DOCK3: variants seen among roughly 807,000 people sequenced by gnomAD.
DOCK3 encodes the protein dedicator of cytokinesis 3, also known as dedicator of cytokinesis protein 3.
DOCK3 carries 60 observed loss-of-function variants against 265.6 expected under a neutral mutation model. That is an observed-to-expected ratio of 0.23 (90% confidence interval 0.18 to 0.28). The LOEUF is 0.28. Ranked by LOEUF, DOCK3 falls within the 10% of genes least tolerant of loss-of-function variation. The probability of loss-of-function intolerance (pLI) is 1.00; values close to 1 mark genes in which losing one functional copy is unlikely to be tolerated. For missense variants in DOCK3, 1,981 were observed against 2,594.3 expected (o/e 0.76, Z 5.14); for synonymous variants, 881 against 938.0 (o/e 0.94, Z 1.11).
At chr3:51,379,456 A>G in intron 51 of DOCK3, 1 of 985,472 alleles carries the variant, frequency 1.0e-6, no homozygotes, top group Non-Finnish European at 1.2e-6. Flanking sequence ...CAGCTGTGCC[A>G]GCAGCCCCCA....
chr3:50,702,542 T>C (rs1206480752), intron 1 of DOCK3, among the ~76,000 whole-genome samples: 1 of 151,938 alleles, frequency 6.6e-6, no homozygotes, highest in Non-Finnish European at 1.5e-5. Flanking sequence ...TTTTTTTTGG[T>C]ATTTTTAGTA....
chr3:51,309,668 C>T (rs1576750367), intron 27 of DOCK3, among the ~76,000 whole-genome samples: 1 of 151,954 alleles, frequency 6.6e-6, no homozygotes. Context: ...TTGTTTCTTA[C>T]AGAGCGTACA....
intron 4 of DOCK3, among the ~76,000 whole-genome samples, chr3:50,914,490 T>C (rs2050018976): frequency 6.6e-6 from 1 of 152,168 alleles, no homozygotes; most frequent in South Asian, 2.1e-4. Flanking sequence ...TTAATTTGCA[T>C]GTAACTGCAA....
In DOCK3 at chr3:51,310,249, T is replaced by C. The variant is rs1268237576; in HGVS notation, c.2940T>C (p.Ile980=). ...GCTGTCAGGAATTTCTGCTGAAGAT[T>C]TTTTGCGTGTTCCGGAACCTGATGA... ...KDELKEFLLK[I]FCVFRNLMKM... Residue 980 remains isoleucine, a synonymous_variant, in exon 28 of 53, where the codon ATT becomes ATC. Coordinates refer to ENST00000266037, the MANE Select transcript of DOCK3 (RefSeq NM_004947.5). 1 of 1,602,474 alleles carries C rather than the reference T, an allele frequency of 6.2e-7. No individual in the cohort carries two copies.
chr3:50,938,622 A>G (rs189276788), intron 5 of DOCK3, among the ~76,000 whole-genome samples: 3 of 152,214 alleles, frequency 2.0e-5, no homozygotes, highest in African/African-American at 7.2e-5. Flanking sequence ...AAAGAAAACA[A>G]GAAAACCTGA....
intron 27 of DOCK3, among the ~76,000 whole-genome samples, chr3:51,287,205 A>G (rs1005055869): frequency 6.6e-6 from 1 of 152,212 alleles, no homozygotes; most frequent in African/African-American, 2.4e-5. Context: ...ACATGAAAAA[A>G]TGTTCAACAT....
At chr3:51,066,156 T>C (rs552318835) in intron 6 of DOCK3, among the ~76,000 whole-genome samples, 60 of 152,196 alleles carry the variant, frequency 3.9e-4, no homozygotes, top group African/African-American at 1.4e-3. Context: ...AGAAATTCAG[T>C]ACAAAGGCTC....
At chr3:51,012,921 T>C (rs2079009185) in intron 5 of DOCK3, among the ~76,000 whole-genome samples, 1 of 152,174 alleles carries the variant, frequency 6.6e-6, no homozygotes, top group East Asian at 1.9e-4. Context: ...TGATACCCTT[T>C]CTTCTACTTG....
chr3:50,692,310 G>C (rs147462591), intron 1 of DOCK3, among the ~76,000 whole-genome samples: 1 of 152,108 alleles, frequency 6.6e-6, no homozygotes, highest in African/African-American at 2.4e-5. Context: ...GACTGGTTTC[G>C]TGGAAGACAA....
chr3:51,139,656 CA>C (rs2084959963), intron 9 of DOCK3, among the ~76,000 whole-genome samples: 1 of 151,942 alleles, frequency 6.6e-6, no homozygotes, highest in Non-Finnish European at 1.5e-5. Flanking sequence ...AAGAGAAAGA[CA>C]ATAAACAAAG....
At chr3:50,858,435 AT>A (rs2046727653) in intron 3 of DOCK3, among the ~76,000 whole-genome samples, 1 of 149,960 alleles carries the variant, frequency 6.7e-6, no homozygotes, top group South Asian at 2.1e-4. Context: ...AATAATAATA[AT>A]AATAATAATA....
At chr3:51,208,894 G>A (rs1560213060) in intron 13 of DOCK3, 32 bp downstream of exon 13, 2 of 1,579,302 alleles carry the variant, frequency 1.3e-6, no homozygotes, top group South Asian at 1.2e-5. Flanking sequence ...AACATTTTGT[G>A]TTACATTTGT....
chr3:51,227,540 A>G, intron 16 of DOCK3, 95 bp downstream of exon 16: 7 of 1,519,118 alleles, frequency 4.6e-6, no homozygotes, highest in Non-Finnish European at 5.3e-6. Flanking sequence ...TATTTGGGCA[A>G]GAAAATGAAG....
At position 51,333,033 on chromosome 3, in the gene DOCK3, A is replaced by ACTGCAGTGTGGTAAGT. The variant is rs1289736771; in HGVS notation, c.3515+11_3515+26dup. ...CTGTTTGGGCCCTACCCCAGGTAAG[A>ACTGCAGTGTGGTAAGT]CTGCAGTGTGGTAAGTCTGCTGTCT... On this transcript the variant is annotated splice_region_variant and intron_variant, in intron 34 of 52. Coordinates refer to ENST00000266037, the MANE Select transcript of DOCK3 (RefSeq NM_004947.5). 10 of 1,613,816 alleles carry ACTGCAGTGTGGTAAGT rather than the reference A, an allele frequency of 6.2e-6. No homozygotes were observed. Among genetic ancestry groups the ACTGCAGTGTGGTAAGT allele is most frequent in the Admixed American group, 5.0e-5 (3 of 59,974 alleles).
intron 2 of DOCK3, among the ~76,000 whole-genome samples, chr3:50,829,045 C>G (rs553035025): frequency 6.6e-6 from 1 of 152,120 alleles, no homozygotes; most frequent in Non-Finnish European, 1.5e-5. Flanking sequence ...CTTTACCATG[C>G]TTTTACATGG....
chr3:51,236,297 C>T (rs749779194), intron 19 of DOCK3, 48 bp from the exon 20 acceptor site: 5 of 1,364,996 alleles, frequency 3.7e-6, no homozygotes, highest in Non-Finnish European at 4.2e-6. Context: ...GAAGTTTGTG[C>T]GTGTAAGGTC....
At chr3:50,812,808 C>A (rs2043843326) in intron 2 of DOCK3, among the ~76,000 whole-genome samples, 1 of 152,234 alleles carries the variant, frequency 6.6e-6, no homozygotes, top group African/African-American at 2.4e-5. Flanking sequence ...TCTGGGCATC[C>A]TGTGGCCCCA....
At chr3:51,106,403 T>A (rs1407413499) in intron 9 of DOCK3, among the ~76,000 whole-genome samples, 2 of 152,130 alleles carry the variant, frequency 1.3e-5, no homozygotes, top group Non-Finnish European at 2.9e-5. Context: ...CACTGCAGCC[T>A]CCCCATGCCA....
intron 5 of DOCK3, among the ~76,000 whole-genome samples, chr3:51,052,811 G>A (rs2081042634): frequency 6.6e-6 from 1 of 151,906 alleles, no homozygotes; most frequent in African/African-American, 2.4e-5. Flanking sequence ...TTTCCATAGG[G>A]TATTCTTTTA....
Sources: allele counts gnomAD v4.1 joint callset (sites outside exome capture counted in the v4.1 genomes callset), GRCh38; gene constraint gnomAD v4.1.1; transcripts MANE v1.5; gene names NCBI Gene and HGNC (gene_info 2026-07-23, HGNC 2026-07-21).